RBL1: variants seen among roughly 807,000 people sequenced by gnomAD.
RBL1 encodes RB transcriptional corepressor like 1, also known as retinoblastoma-like protein 1.
In RBL1, 82 loss-of-function variants were observed where a neutral mutation model predicts 123.0. The observed-to-expected ratio is 0.67, with a 90% CI of 0.56 to 0.80. The LOEUF (loss-of-function observed/expected upper bound fraction) is 0.80, where lower values mean the gene tolerates loss of function less well. Among genes scored for constraint, RBL1 ranks in the 30% least tolerant of loss-of-function variants. RBL1 has a pLI of 0.00. For missense variants in RBL1, 1,171 were observed against 1,299.6 expected (o/e 0.90, Z 1.52); for synonymous variants, 405 against 441.3 (o/e 0.92, Z 1.03).
At chr20:37,050,603 C>T (rs1056827557) in intron 11 of RBL1, among the ~76,000 whole-genome samples, 2 of 66,140 alleles carry the variant, frequency 3.0e-5, no homozygotes, top group African/African-American at 1.1e-4. Flanking sequence ...AAATGGAAAA[C>T]AAGAGAAGAA....
At chr20:37,025,468 C>T (rs898584847) in intron 16 of RBL1, among the ~76,000 whole-genome samples, 2 of 151,866 alleles carry the variant, frequency 1.3e-5, no homozygotes, top group Admixed American at 1.3e-4. Context: ...TGCAGTGAGC[C>T]ATGATCTTGC....
Position 37,035,266 on chromosome 20 carries a change from GTCCTGTTGT to G in RBL1, c.2137_2145del (p.Thr713_Gly715del). 1 of 1,613,742 alleles carries G rather than the reference GTCCTGTTGT, an allele frequency of 6.2e-7. No individual in the cohort carries two copies. On this transcript the variant is annotated inframe_deletion, in exon 15 of 22. Coordinates refer to ENST00000373664, the MANE Select transcript of RBL1 (RefSeq NM_002895.5). ...CCATGTAATGGAATTGTAACTTTAT[GTCCTGTTGT>G]TCCTGTTACTGGGGCTGTGGCCATT...
At chr20:37,059,813 C>T (rs543259229) in intron 9 of RBL1, among the ~76,000 whole-genome samples, 4 of 151,982 alleles carry the variant, frequency 2.6e-5, no homozygotes, top group Non-Finnish European at 4.4e-5. Flanking sequence ...TCTGATCTGG[C>T]TTCATTCTAC....
chr20:37,078,963 C>T (rs1336694324), intron 2 of RBL1, among the ~76,000 whole-genome samples: 3 of 151,842 alleles, frequency 2.0e-5, no homozygotes, highest in Non-Finnish European at 2.9e-5. Flanking sequence ...TTTAGGAGGC[C>T]GAGGCAGGCA....
chr20:37,088,780 T>C (rs2065597351), intron 2 of RBL1, among the ~76,000 whole-genome samples: 2 of 151,934 alleles, frequency 1.3e-5, no homozygotes, highest in Non-Finnish European at 2.9e-5. Flanking sequence ...TGAGAATCAC[T>C]TGAACCCAGG....
intron 21 of RBL1, among the ~76,000 whole-genome samples, chr20:37,001,780 A>G (rs564107420): frequency 1.3e-5 from 2 of 151,656 alleles, no homozygotes; most frequent in East Asian, 1.9e-4. Context: ...GGAAAAAAAA[A>G]AAAAAAGAAA....
chr20:37,056,031 G>A (rs1298993987), intron 10 of RBL1, 115 bp downstream of exon 10: 12 of 1,445,938 alleles, frequency 8.3e-6, no homozygotes, highest in South Asian at 5.4e-5. Flanking sequence ...TGGGCAACTC[G>A]GTCTCAAAAA....
chr20:37,004,020 CT>C (rs34799722), intron 20 of RBL1, among the ~76,000 whole-genome samples, 154 bp from the exon 21 acceptor site: 200 of 134,582 alleles, frequency 1.5e-3, no homozygotes, highest in Admixed American at 2.1e-3. Context: ...TTTACTTCTT[CT>C]TTTTTTTTTT....
chr20:37,063,477 C>T (rs1283801568), intron 7 of RBL1, among the ~76,000 whole-genome samples: 1 of 151,796 alleles, frequency 6.6e-6, no homozygotes, highest in African/African-American at 2.4e-5. Context: ...AGTGAGATCC[C>T]ATCTCTAAAA....
intron 19 of RBL1, among the ~76,000 whole-genome samples, chr20:37,013,618 C>T (rs1023459457): frequency 2.0e-5 from 3 of 151,426 alleles, no homozygotes; most frequent in Non-Finnish European, 2.9e-5. Context: ...TGAGACACTA[C>T]CCTCAATAGC....
At chr20:37,058,094 C>G (rs566924320) in intron 9 of RBL1, among the ~76,000 whole-genome samples, 2 of 128,942 alleles carry the variant, frequency 1.6e-5, no homozygotes, top group Admixed American at 1.8e-4. Context: ...CCAGCCTGGG[C>G]AACAAGGGCG....
chr20:37,061,152 C>A lies in RBL1; in HGVS notation c.1201G>T (p.Val401Leu). The change falls in exon 9 of 22, where the codon GTG becomes TTG. Residue 401 changes from valine to leucine, a missense_variant. Transcript: ENST00000373664. ...TQSVSRLQSI[V>L]AGLKNAPSDQ... The stretch of plus-strand genomic sequence containing the variant: ...CTTGGTGCATTTTTCAGACCAGCCA[C>A]AATACTCTGTAACCGGCTCACACTT... 3 of 1,613,564 alleles carry A rather than the reference C, an allele frequency of 1.9e-6. No homozygotes were observed. Among genetic ancestry groups the A allele is most frequent in the Non-Finnish European group, 2.5e-6 (3 of 1,179,668 alleles).
chr20:37,029,744 G>T (rs2064477753), intron 16 of RBL1, among the ~76,000 whole-genome samples: 1 of 152,176 alleles, frequency 6.6e-6, no homozygotes, highest in African/African-American at 2.4e-5. Context: ...CAGCAAAGCT[G>T]CAAGAAAATC....
Position 37,044,032 on chromosome 20 carries a change from GGT to G in RBL1, c.1770+52_1770+53del. On this transcript the variant is annotated intron_variant, in intron 13 of 21. Transcript: ENST00000373664. ...ATAGGAATTATCTCTCAATAAAGCTGGTTTTTTTTTTTTTTTTTTTAATGATA... is the reference window on the plus strand; with the variant it reads ...ATAGGAATTATCTCTCAATAAAGCTGTTTTTTTTTTTTTTTTTTAATGATA... The G allele has an allele frequency of 2.0e-5, 21 of 1,048,094 alleles. No homozygotes were observed. In the East Asian group the frequency reaches 4.9e-4, roughly 24 times the overall value. The allele number at this position is 1,048,094 out of a possible 1,614,324, so 64.9% of individuals were successfully genotyped here.
At chr20:37,094,903 G>T (rs2065704641) in intron 1 of RBL1, among the ~76,000 whole-genome samples, 1 of 152,194 alleles carries the variant, frequency 6.6e-6, no homozygotes, top group Admixed American at 6.5e-5. Flanking sequence ...CTCCCAAAGT[G>T]CTGGGATTAT....
Position 37,016,769 on chromosome 20 carries a change from A to G in RBL1, c.2722+1510T>C, listed in dbSNP as rs73289805. ...TGGCAAAATCCCACCTCTACAAAAA[A>G]TTAGTTGGGTGTGGCACAAGACTGA... On this transcript the variant is annotated intron_variant, in intron 19 of 21. Coordinates refer to ENST00000373664, the MANE Select transcript of RBL1 (RefSeq NM_002895.5). 3.7e-3 allele frequency among the ~76,000 whole-genome samples: 557 copies of G among 152,010 alleles called. 5 individuals are homozygous for G. Among genetic ancestry groups the G allele is most frequent in the African/African-American group, 0.013 (533 of 41,470 alleles).
At chr20:37,066,593 C>T in intron 6 of RBL1, 131 bp downstream of exon 6, 1 of 774,748 alleles carries the variant, frequency 1.3e-6, no homozygotes, top group Non-Finnish European at 2.0e-6. Flanking sequence ...TTCTGAATCA[C>T]AGTAGAGGCT....
chr20:36,999,411 A>G (rs2146189323), intron 21 of RBL1, among the ~76,000 whole-genome samples: 1 of 150,160 alleles, frequency 6.7e-6, no homozygotes, highest in East Asian at 2.0e-4. Context: ...AAGAATAGAA[A>G]AATAAGCTTC....
chr20:37,038,674 C>G (rs1231833480), intron 14 of RBL1, among the ~76,000 whole-genome samples: 1 of 146,930 alleles, frequency 6.8e-6, no homozygotes, highest in Non-Finnish European at 1.5e-5. Flanking sequence ...GTGATCTTGG[C>G]TCACTGCAAC....
Sources: allele counts gnomAD v4.1 joint callset (sites outside exome capture counted in the v4.1 genomes callset), GRCh38; gene constraint gnomAD v4.1.1; transcripts MANE v1.5; gene names NCBI Gene and HGNC (gene_info 2026-07-23, HGNC 2026-07-21).